NRL: variants seen among roughly 807,000 people sequenced by gnomAD.
The protein encoded by NRL is neural retina-specific leucine zipper protein.
A neutral mutation model predicts 12.5 loss-of-function variants in NRL; 16 were observed. The ratio of observed to expected loss-of-function variants is 1.28; its 90% CI spans 0.87 to 1.95. The LOEUF (loss-of-function observed/expected upper bound fraction) is 1.95, where lower values mean the gene tolerates loss of function less well. NRL is among the 30% of genes most tolerant of loss of function. The pLI is 0.00. For synonymous variants in NRL, 142 were observed against 150.9 expected, an observed-to-expected ratio of 0.94 and a Z score of 0.43; for missense variants, 314 against 325.8, an observed-to-expected ratio of 0.96 and a Z score of 0.28.
At chr14:24,096,585 G>A (rs1182970646) in intron 1 of NRL, among the ~76,000 whole-genome samples, 1 of 151,996 alleles carries the variant, frequency 6.6e-6, no homozygotes, top group East Asian at 1.9e-4. Context: ...CATGGGCATG[G>A]GCTACACAGG....
chr14:24,083,459 A>G (rs79287291), intron 1 of NRL, among the ~76,000 whole-genome samples: 1,662 of 152,304 alleles, frequency 0.011, 32 homozygotes, highest in African/African-American at 0.038. Flanking sequence ...TAGGGGCAAG[A>G]GGCTTTATAT....
rs766386229 is a variant in NRL at position 24,082,473 on chromosome 14, C to T, written c.376G>A (p.Val126Ile). 11 of 1,612,358 alleles carry T rather than the reference C, an allele frequency of 6.8e-6. No individual in the cohort carries two copies. Among genetic ancestry groups the T allele is most frequent in the South Asian group, 1.1e-5 (1 of 91,056 alleles). Residue 126 changes from valine to isoleucine, a missense_variant, in exon 2 of 3, where the codon GTC becomes ATC. By Grantham distance (29) the Val-to-Ile change is conservative. Coordinates refer to ENST00000561028, the MANE Select transcript of NRL (RefSeq NM_001354768.3). The stretch of plus-strand genomic sequence containing the variant: ...CCAGCTTGCTGACCACTCACCTGGA[C>T]GTGCTGGGCTCCTGTCTCCTCTGGG... ...GSPEETGAQH[V>I]QLAERFSDAA...
At chr14:24,093,864 A>G (rs2036720767) in intron 1 of NRL, among the ~76,000 whole-genome samples, 1 of 152,134 alleles carries the variant, frequency 6.6e-6, no homozygotes, top group African/African-American at 2.4e-5. Flanking sequence ...TGGACTACAG[A>G]AAGGCCCAGG....
intron 1 of NRL, chr14:24,103,449 G>C (rs545036803): frequency 7.1e-7 from 1 of 1,406,250 alleles, no homozygotes; most frequent in East Asian, 2.3e-5. Flanking sequence ...ACTGGATGCA[G>C]GGTGCCCTTC....
At chr14:24,114,384 C>G (rs1416987345) in intron 1 of NRL, 4 of 152,518 alleles carry the variant, frequency 2.6e-5, no homozygotes, top group Admixed American at 6.5e-5. Flanking sequence ...TAGGGCAGAA[C>G]CGACTGGAGC....
At position 24,098,310 on chromosome 14, in the gene NRL, G is replaced by A. The variant is rs148474149; in HGVS notation, c.-27-15435C>T. 90 of 1,613,988 alleles carry A rather than the reference G, an allele frequency of 5.6e-5. 1 individual carries two copies. The highest frequency in any genetic ancestry group is 2.0e-4 in the East Asian group (9 of 44,888). On this transcript the variant is annotated intron_variant, in intron 1 of 2. Transcript: ENST00000561028. ...GTACCACTCCCGCCTGGTGGGGCCC[G>A]TGGGCAGCTGGGCAACTGGATGTCC...
intron 1 of NRL, among the ~76,000 whole-genome samples, chr14:24,101,585 G>C (rs940089623): frequency 9.2e-5 from 14 of 152,152 alleles, no homozygotes; most frequent in African/African-American, 3.1e-4. Flanking sequence ...ACTTCATCAG[G>C]GTCTAAGCAG....
At chr14:24,103,546 C>T in intron 1 of NRL, 3 of 1,567,112 alleles carry the variant, frequency 1.9e-6, no homozygotes, top group Non-Finnish European at 1.7e-6. Flanking sequence ...GCCATGCGGC[C>T]CTTTTTTGGC....
intron 1 of NRL, among the ~76,000 whole-genome samples, chr14:24,097,971 TC>T (rs2036967555): frequency 6.6e-6 from 1 of 151,972 alleles, no homozygotes; most frequent in Admixed American, 6.6e-5. Flanking sequence ...TTTTTTTTTT[TC>T]CTCACCAGTT....
Position 24,081,190 on chromosome 14 carries a change from G to T in NRL, c.*46C>A. 1 of 1,318,474 alleles carries T rather than the reference G, an allele frequency of 7.6e-7. No individual in the cohort carries two copies. Among genetic ancestry groups the T allele is most frequent in the Non-Finnish European group, 9.9e-7 (1 of 1,011,538 alleles). The allele number at this position is 1,318,474 out of a possible 1,614,324, so 81.7% of individuals were successfully genotyped here. On this transcript the variant is annotated 3_prime_UTR_variant, in exon 3 of 3. Transcript: ENST00000561028. The surrounding 1 kb of genome is among the most constrained non-coding windows in gnomAD (Gnocchi z 4.4). ...ACCGTGCAGCCGCCTCCTGGGCGGA[G>T]CCACCCCACCCAGCCCCCACTACAC...
chr14:24,091,119 CTGTGTGTGTGTGTGTGTG>C lies in NRL; in HGVS notation c.-27-8262_-27-8245del, dbSNP rs55656236. ...ATTCTAAGGGACGAACAGAAAAGGC[CTGTGTGTGTGTGTGTGTG>C]TGTGTGTGTGTGTGTGTGTGTGTGT... On this transcript the variant is annotated intron_variant, in intron 1 of 2. Coordinates refer to ENST00000561028, the MANE Select transcript of NRL (RefSeq NM_001354768.3). 8.0e-3 allele frequency among the ~76,000 whole-genome samples: 1,111 copies of C among 138,730 alleles called. 16 individuals carry two copies. Among genetic ancestry groups the C allele is most frequent in the African/African-American group, 0.027 (986 of 36,226 alleles). 91.0% of individuals were successfully genotyped at this position (138,730 alleles called of 152,430 possible). A position where few individuals can be genotyped will look rare whatever the true frequency, so the allele number is the denominator to read the frequency against.
chr14:24,098,815 C>A, intron 1 of NRL: 1 of 783,872 alleles, frequency 1.3e-6, no homozygotes, highest in Non-Finnish European at 2.1e-6. Context: ...AGCAGCAGTC[C>A]CAGCAGAGGG....
intron 1 of NRL, among the ~76,000 whole-genome samples, chr14:24,106,958 A>C (rs141528868): frequency 8.3e-4 from 126 of 152,262 alleles, no homozygotes; most frequent in Non-Finnish European, 1.4e-3. Context: ...CAGTGGAATA[A>C]AGCACTCAGA....
intron 1 of NRL, chr14:24,096,755 A>G (rs2036902892): frequency 6.7e-6 from 5 of 748,332 alleles, no homozygotes; most frequent in African/African-American, 1.7e-5. Flanking sequence ...CCACACACCA[A>G]CTGCAACCTG....
At position 24,094,326 on chromosome 14, in the gene NRL, G is replaced by T; in HGVS notation, c.-27-11451C>A. The T allele has an allele frequency of 7.2e-7, 1 of 1,395,644 alleles. No homozygotes were observed. Among genetic ancestry groups the T allele is most frequent in the Non-Finnish European group, 9.8e-7 (1 of 1,024,866 alleles). 86.5% of individuals were successfully genotyped at this position (1,395,644 alleles called of 1,614,324 possible). A position where few individuals can be genotyped will look rare whatever the true frequency, so the allele number is the denominator to read the frequency against. On this transcript the variant is annotated intron_variant, in intron 1 of 2. Transcript: ENST00000561028. This position sits in a 1 kb window ranked among gnomAD's most constrained non-coding sequence, Gnocchi z 4.1. ...AGCCTCTGCTGTGGCTCGCTTCGCC[G>T]CGCTCCCTCCTTCCCCGCCTTCCAT... is the stretch of plus-strand genomic sequence containing the variant.
chr14:24,109,891 A>C (rs1045716018), intron 1 of NRL, among the ~76,000 whole-genome samples: 2 of 152,170 alleles, frequency 1.3e-5, no homozygotes, highest in South Asian at 4.1e-4. Flanking sequence ...GCTTGAATTA[A>C]AAGATTTTAT....
At chr14:24,114,577 C>T in intron 1 of NRL, 145 bp downstream of exon 1, 1 of 681,264 alleles carries the variant, frequency 1.5e-6, no homozygotes, top group Non-Finnish European at 1.8e-6. Flanking sequence ...TTAAGCCCCG[C>T]CTCTCAGCCG....
chr14:24,113,820 G>C (rs922144363), intron 1 of NRL, among the ~76,000 whole-genome samples: 1 of 152,210 alleles, frequency 6.6e-6, no homozygotes, highest in Admixed American at 6.5e-5. Flanking sequence ...ACGAGCCCTC[G>C]CTCCCATCCC....
At position 24,094,341 on chromosome 14, in the gene NRL, C is replaced by G. The variant is rs545115566; in HGVS notation, c.-27-11466G>C. ...TCGCTTCGCCGCGCTCCCTCCTTCC[C>G]CGCCTTCCATACCTCCCCGGCTCCG... On this transcript the variant is annotated intron_variant, in intron 1 of 2. Coordinates refer to ENST00000561028, the MANE Select transcript of NRL (RefSeq NM_001354768.3). This position sits in a 1 kb window ranked among gnomAD's most constrained non-coding sequence, Gnocchi z 4.1. The G allele has an allele frequency of 1.4e-6, 2 of 1,471,728 alleles. No individual in the cohort carries two copies. Among genetic ancestry groups the G allele is most frequent in the South Asian group, 2.4e-5 (2 of 82,496 alleles). 91.2% of individuals were successfully genotyped at this position (1,471,728 alleles called of 1,614,324 possible).
Sources: gnomAD v4.1 joint callset for allele counts (sites outside exome capture counted in the v4.1 genomes callset) on GRCh38, gnomAD v4.1.1 for gene constraint, Gnocchi (gnomAD v3.1) non-coding constraint, MANE v1.5 for transcripts, NCBI Gene and HGNC (gene_info 2026-07-23, HGNC 2026-07-21) for gene names.